ZFHX3: variants seen among roughly 807,000 people sequenced by gnomAD.
ZFHX3 encodes zinc finger homeobox 3.
In ZFHX3, 42 loss-of-function variants were observed where a neutral mutation model predicts 279.1. The ratio of observed to expected loss-of-function variants is 0.15; its 90% CI spans 0.12 to 0.19. The LOEUF (loss-of-function observed/expected upper bound fraction) is 0.19, where lower values mean the gene tolerates loss of function less well. ZFHX3 is among the 10% of genes least tolerant of loss of function. ZFHX3 has a pLI of 1.00. For missense variants in ZFHX3, 4,981 were observed against 4,754.0 expected, an observed-to-expected ratio of 1.05 and a Z score of -1.40; for synonymous variants, 2,293 against 1,957.8, an observed-to-expected ratio of 1.17 and a Z score of -4.52.
chr16:73,689,649 T>C (rs550895982), intron 1 of ZFHX3, among the ~76,000 whole-genome samples: 8 of 152,164 alleles, frequency 5.3e-5, no homozygotes, highest in Non-Finnish European at 1.0e-4. Context: ...GGCAGGTCCA[T>C]GAGAAGGCCA....
chr16:73,840,350 A>T (rs1228364653), intron 1 of ZFHX3, among the ~76,000 whole-genome samples: 2 of 152,196 alleles, frequency 1.3e-5, no homozygotes, highest in East Asian at 1.9e-4. Context: ...AAAGGCAGGC[A>T]GTGGGACCAC....
At chr16:73,811,737 G>A (rs1003682459) in intron 1 of ZFHX3, among the ~76,000 whole-genome samples, 3 of 151,950 alleles carry the variant, frequency 2.0e-5, no homozygotes, top group African/African-American at 7.3e-5. Context: ...GAGCCACCGC[G>A]CCCGGGCCCC....
chr16:72,842,334 C>T (rs552802192), intron 4 of ZFHX3, among the ~76,000 whole-genome samples: 9 of 152,248 alleles, frequency 5.9e-5, no homozygotes, highest in African/African-American at 1.4e-4. Flanking sequence ...CTTCCCGCCT[C>T]AGCCTCCCAA....
At chr16:73,080,273 G>A (rs999869411) in intron 8 of ZFHX3, among the ~76,000 whole-genome samples, 2 of 152,156 alleles carry the variant, frequency 1.3e-5, no homozygotes, top group African/African-American at 4.8e-5. Flanking sequence ...CAGAAAGTGT[G>A]GCTCATGGAG....
intron 5 of ZFHX3, among the ~76,000 whole-genome samples, chr16:73,173,758 C>A (rs572846571): frequency 1.3e-5 from 2 of 152,126 alleles, no homozygotes; most frequent in South Asian, 4.1e-4. Flanking sequence ...GCCAAAGTCA[C>A]AAGATAGCCA....
intron 4 of ZFHX3, among the ~76,000 whole-genome samples, chr16:72,839,816 G>C (rs116428383): frequency 0.018 from 2,751 of 152,238 alleles, 75 homozygotes; most frequent in African/African-American, 0.059. Flanking sequence ...TGGGGTACCC[G>C]TTCCCTCCTG....
chr16:73,306,767 C>G (rs1017227430), intron 4 of ZFHX3, among the ~76,000 whole-genome samples: 39 of 152,208 alleles, frequency 2.6e-4, no homozygotes, highest in Admixed American at 8.5e-4. Context: ...GCTAGACCCT[C>G]CCACAGGGAA....
In ZFHX3 at chr16:73,789,979, G is replaced by A. The variant is rs147013411; in HGVS notation, c.-1608+101672C>T. Among the ~76,000 whole-genome samples, 993 of 152,174 alleles carry A rather than the reference G, an allele frequency of 6.5e-3. 10 individuals are homozygous for A. Among genetic ancestry groups the A allele is most frequent in the Middle Eastern group, 0.054 (16 of 294 alleles). On this transcript the variant is annotated intron_variant, in intron 1 of 17. Transcript: ENST00000641206. ...TTTATTATCGCATTGCACTCTCGCC[G>A]CTGGAGTTAAGGTTGTGTCAGCGTT...
At chr16:73,224,458 G>A (rs2012526925) in intron 5 of ZFHX3, among the ~76,000 whole-genome samples, 1 of 152,172 alleles carries the variant, frequency 6.6e-6, no homozygotes, top group African/African-American at 2.4e-5. Flanking sequence ...TTGACATGGA[G>A]TTTTCCAAGG....
intron 1 of ZFHX3, among the ~76,000 whole-genome samples, chr16:73,803,007 G>C (rs1006615330): frequency 6.6e-6 from 1 of 152,040 alleles, no homozygotes; most frequent in African/African-American, 2.4e-5. Flanking sequence ...AGTAGAGATG[G>C]CCAGGCTGGT....
At chr16:73,818,873 A>G (rs1157010919) in intron 1 of ZFHX3, among the ~76,000 whole-genome samples, 1 of 152,210 alleles carries the variant, frequency 6.6e-6, no homozygotes, top group African/African-American at 2.4e-5. Flanking sequence ...CATTGAGATA[A>G]ACAATGACAA....
chr16:73,490,046 G>T (rs1423812980), intron 2 of ZFHX3, among the ~76,000 whole-genome samples: 1 of 152,148 alleles, frequency 6.6e-6, no homozygotes, highest in Non-Finnish European at 1.5e-5. Context: ...AATTTCTGTT[G>T]TACAACCAAT....
intron 1 of ZFHX3, among the ~76,000 whole-genome samples, chr16:73,783,907 A>G (rs1472051161): frequency 6.6e-6 from 1 of 152,160 alleles, no homozygotes; most frequent in African/African-American, 2.4e-5. Context: ...TACCTGTTTC[A>G]GCTGGTAGCA....
chr16:73,113,760 G>C (rs1251751336), intron 7 of ZFHX3, among the ~76,000 whole-genome samples: 4 of 128,204 alleles, frequency 3.1e-5, no homozygotes, highest in Admixed American at 2.3e-4. Flanking sequence ...AAAACAAATA[G>C]TTTTTCTCAT....
At chr16:73,180,154 A>G (rs1412311969) in intron 5 of ZFHX3, among the ~76,000 whole-genome samples, 1 of 152,200 alleles carries the variant, frequency 6.6e-6, no homozygotes, top group Admixed American at 6.5e-5. Context: ...GGCTTTGGCC[A>G]GTCGTTCCTG....
chr16:73,130,262 A>G (rs1313758889), intron 7 of ZFHX3, among the ~76,000 whole-genome samples: 3 of 152,080 alleles, frequency 2.0e-5, no homozygotes, highest in African/African-American at 7.2e-5. Flanking sequence ...GGGAAAAAAA[A>G]AAACATCAGG....
At chr16:73,648,147 C>G (rs1033837960) in intron 2 of ZFHX3, among the ~76,000 whole-genome samples, 32 of 152,182 alleles carry the variant, frequency 2.1e-4, no homozygotes, top group African/African-American at 7.2e-4. Context: ...TGCTAGGAAT[C>G]TATACTACAG....
intron 1 of ZFHX3, among the ~76,000 whole-genome samples, chr16:73,056,342 C>A (rs1239588701): frequency 6.6e-6 from 1 of 152,086 alleles, no homozygotes; most frequent in Non-Finnish European, 1.5e-5. Context: ...AGTATATTCT[C>A]TTTTATTTTC....
chr16:73,033,651 T>C (rs890899234), intron 1 of ZFHX3, among the ~76,000 whole-genome samples: 6 of 152,148 alleles, frequency 3.9e-5, no homozygotes, highest in African/African-American at 9.7e-5. Context: ...CACCTCACAC[T>C]TTCACAGTTT....
Sources: allele counts gnomAD v4.1 joint callset (sites outside exome capture counted in the v4.1 genomes callset), GRCh38; gene constraint gnomAD v4.1.1; transcripts MANE v1.5; gene names NCBI Gene and HGNC (gene_info 2026-07-23, HGNC 2026-07-21).